CNTNAP2: variants seen among roughly 807,000 people sequenced by gnomAD.
CNTNAP2 encodes the protein contactin associated protein 2, also known as contactin-associated protein-like 2.
A neutral mutation model predicts 155.2 loss-of-function variants in CNTNAP2; 98 were observed. The ratio of observed to expected loss-of-function variants is 0.63; its 90% CI spans 0.54 to 0.75. The LOEUF is 0.75. Among genes scored for constraint, CNTNAP2 ranks in the 30% least tolerant of loss-of-function variants. CNTNAP2 has a pLI of 0.00. For synonymous variants in CNTNAP2, 651 were observed against 631.2 expected, an observed-to-expected ratio of 1.03 and a Z score of -0.47; for missense variants, 1,727 against 1,688.1, an observed-to-expected ratio of 1.02 and a Z score of -0.40.
At chr7:146,356,720 A>T (rs1795003876) in intron 1 of CNTNAP2, among the ~76,000 whole-genome samples, 1 of 152,272 alleles carries the variant, frequency 6.6e-6, no homozygotes, top group East Asian at 1.9e-4. Context: ...TAGAGTTTGG[A>T]TGGAGAAGTG....
intron 1 of CNTNAP2, among the ~76,000 whole-genome samples, chr7:146,554,934 T>C (rs1798175267): frequency 6.6e-6 from 1 of 152,214 alleles, no homozygotes; most frequent in Non-Finnish European, 1.5e-5. Flanking sequence ...CTGAACCTCA[T>C]AATCATCCTG....
intron 20 of CNTNAP2, among the ~76,000 whole-genome samples, chr7:148,230,426 C>A (rs569055890): frequency 6.6e-6 from 1 of 152,168 alleles, no homozygotes; most frequent in Non-Finnish European, 1.5e-5. Flanking sequence ...GAGGAGGTCT[C>A]CCTGGGAGCT....
intron 1 of CNTNAP2, among the ~76,000 whole-genome samples, chr7:146,676,916 T>C (rs1326253347): frequency 6.6e-6 from 1 of 152,246 alleles, no homozygotes; most frequent in East Asian, 1.9e-4. Flanking sequence ...GAGATTTGGG[T>C]GGGTCACAGC....
At chr7:147,587,248 C>T (rs1800647463) in intron 12 of CNTNAP2, among the ~76,000 whole-genome samples, 1 of 152,134 alleles carries the variant, frequency 6.6e-6, no homozygotes, top group Admixed American at 6.6e-5. Flanking sequence ...AAAACCTTAT[C>T]AGTTCAGAAC....
Position 146,170,373 on chromosome 7 carries a change from G to A in CNTNAP2, c.97+53400G>A, listed in dbSNP as rs181772862. Among the ~76,000 whole-genome samples the A allele has an allele frequency of 3.6e-3, 551 of 152,176 alleles. 7 individuals carry two copies. The highest frequency in any genetic ancestry group is 5.9e-3 in the Non-Finnish European group (403 of 68,016). ...AAACTTTGCAGTGTTTTCCATAATG[G>A]CTGTACCAACTTACATTCCAACCGA... On this transcript the variant is annotated intron_variant, in intron 1 of 23. Transcript: ENST00000361727.
intron 15 of CNTNAP2, among the ~76,000 whole-genome samples, chr7:148,045,176 A>G (rs1802754097): frequency 6.6e-6 from 1 of 152,180 alleles, no homozygotes; most frequent in African/African-American, 2.4e-5. Flanking sequence ...CCTGCCTCTC[A>G]GGGCCAACAG....
chr7:147,398,431 T>C (rs551043871), intron 10 of CNTNAP2, among the ~76,000 whole-genome samples: 1 of 149,340 alleles, frequency 6.7e-6, no homozygotes, highest in Non-Finnish European at 1.5e-5. Flanking sequence ...AATGAGAACA[T>C]AGGGTAAAAA....
At chr7:147,038,927 T>G (rs750763472) in intron 3 of CNTNAP2, among the ~76,000 whole-genome samples, 1 of 152,148 alleles carries the variant, frequency 6.6e-6, no homozygotes. Flanking sequence ...GTGATCATAA[T>G]GTACAGGCCC....
chr7:147,686,087 G>T (rs997685448), intron 13 of CNTNAP2, among the ~76,000 whole-genome samples: 1 of 152,052 alleles, frequency 6.6e-6, no homozygotes, highest in Non-Finnish European at 1.5e-5. Context: ...AACTTTAGCT[G>T]CTATACACAA....
At chr7:148,243,256 C>A (rs1796193324) in intron 20 of CNTNAP2, among the ~76,000 whole-genome samples, 1 of 152,160 alleles carries the variant, frequency 6.6e-6, no homozygotes, top group Admixed American at 6.5e-5. Context: ...AACATCATAG[C>A]TTCTGCCAGG....
intron 1 of CNTNAP2, among the ~76,000 whole-genome samples, chr7:146,668,447 T>TGG (rs1800238679): frequency 6.7e-6 from 1 of 149,108 alleles, no homozygotes; most frequent in Non-Finnish European, 1.5e-5. Flanking sequence ...TGTGTGTGTG[T>TGG]GTGTGTGTGT....
At chr7:147,626,987 T>C (rs1157551953) in intron 12 of CNTNAP2, among the ~76,000 whole-genome samples, 5 of 152,114 alleles carry the variant, frequency 3.3e-5, no homozygotes, top group Non-Finnish European at 7.3e-5. Flanking sequence ...ATGGATCACA[T>C]CATAGGACTC....
At chr7:146,808,449 T>G (rs1335528074) in intron 2 of CNTNAP2, among the ~76,000 whole-genome samples, 3 of 152,224 alleles carry the variant, frequency 2.0e-5, no homozygotes, top group Non-Finnish European at 4.4e-5. Context: ...ACCAGGATTC[T>G]GCATCTATTG....
At chr7:146,653,791 T>C (rs1367150208) in intron 1 of CNTNAP2, among the ~76,000 whole-genome samples, 1 of 152,110 alleles carries the variant, frequency 6.6e-6, no homozygotes, top group African/African-American at 2.4e-5. Context: ...AGTCCTTAAA[T>C]ACATTTTTGG....
Position 148,331,752 on chromosome 7 carries a change from G to GGTA in CNTNAP2, c.3476-51896_3476-51895insTAG, listed in dbSNP as rs1563046059. ...GATGGATGGAGTGGATGGATGGAAC[G>GGTA]GACGGATGGATTGGATGGATGGAAT... On this transcript the variant is annotated intron_variant, in intron 21 of 23. Transcript: ENST00000361727. 2.4e-3 allele frequency among the ~76,000 whole-genome samples: 246 copies of GGTA among 103,234 alleles called. 9 individuals are homozygous for GGTA. The highest frequency in any genetic ancestry group is 7.5e-3 in the African/African-American group (210 of 28,182). The allele number at this position is 103,234 out of a possible 152,430, so 67.7% of individuals were successfully genotyped here. A position where few individuals can be genotyped will look rare whatever the true frequency, so the allele number is the denominator to read the frequency against.
chr7:146,353,085 A>G (rs1794946779), intron 1 of CNTNAP2, among the ~76,000 whole-genome samples: 3 of 152,126 alleles, frequency 2.0e-5, no homozygotes, highest in Admixed American at 2.0e-4. Context: ...CAAACTTTAC[A>G]ACGAAACTCT....
At chr7:146,873,613 T>C (rs1795360695) in intron 3 of CNTNAP2, among the ~76,000 whole-genome samples, 1 of 151,954 alleles carries the variant, frequency 6.6e-6, no homozygotes, top group African/African-American at 2.4e-5. Context: ...TGCAAGTGGG[T>C]CAAGGGAATG....
intron 9 of CNTNAP2, among the ~76,000 whole-genome samples, chr7:147,314,759 A>G (rs1795195752): frequency 6.6e-6 from 1 of 151,298 alleles, no homozygotes; most frequent in South Asian, 2.1e-4. Context: ...TTTAATATTT[A>G]AAATAAAAGA....
At chr7:147,239,643 G>A (rs1803895938) in intron 8 of CNTNAP2, among the ~76,000 whole-genome samples, 2 of 151,978 alleles carry the variant, frequency 1.3e-5, no homozygotes, top group Admixed American at 6.6e-5. Flanking sequence ...GACAAATACA[G>A]TACAGTTTAA....
Sources: allele counts gnomAD v4.1 joint callset (sites outside exome capture counted in the v4.1 genomes callset), GRCh38; gene constraint gnomAD v4.1.1; transcripts MANE v1.5; gene names NCBI Gene and HGNC (gene_info 2026-07-23, HGNC 2026-07-21).